The following UROS variants were observed in gnomAD, a reference collection of about 807,000 sequenced individuals.
UROS encodes uroporphyrinogen-III synthase.
A neutral mutation model predicts 33.0 loss-of-function variants in UROS; 18 were observed. That is an observed-to-expected ratio of 0.55 (90% CI 0.38 to 0.81). The LOEUF (loss-of-function observed/expected upper bound fraction) is 0.81, where lower values mean the gene tolerates loss of function less well. UROS is among the 30% of genes least tolerant of loss of function. The pLI is 0.00. For missense variants in UROS, 293 were observed against 314.9 expected (o/e 0.93, Z 0.53); for synonymous variants, 114 against 121.1 (o/e 0.94, Z 0.38).
chr10:125,811,429 T>C (rs1278875881), intron 5 of UROS, among the ~76,000 whole-genome samples: 2 of 152,228 alleles, frequency 1.3e-5, no homozygotes, highest in Admixed American at 6.5e-5. Context: ...AAGCCACTAA[T>C]TCCCTTTCCC....
intron 8 of UROS, chr10:125,795,284 G>A: frequency 2.3e-6 from 1 of 427,684 alleles, no homozygotes; most frequent in Non-Finnish European, 4.4e-6. Context: ...TCTAGCTCCT[G>A]TGGTCATACG....
intron 6 of UROS, among the ~76,000 whole-genome samples, chr10:125,806,422 ATC>A (rs1443133909): frequency 6.6e-6 from 1 of 152,202 alleles, no homozygotes; most frequent in Non-Finnish European, 1.5e-5. Flanking sequence ...TCAGCAGTTC[ATC>A]TGACCCTGGC....
intron 9 of UROS, chr10:125,793,822 G>C (rs1184297827): frequency 6.6e-6 from 1 of 152,236 alleles, no homozygotes; most frequent in Non-Finnish European, 1.5e-5. Flanking sequence ...TGGGATTCCA[G>C]GTGGGAGCCA....
chr10:125,821,643 A>G (rs1175804858), intron 1 of UROS, among the ~76,000 whole-genome samples: 1 of 152,218 alleles, frequency 6.6e-6, no homozygotes, highest in Non-Finnish European at 1.5e-5. Context: ...TTACCACCAT[A>G]AAAAAAGTAT....
At chr10:125,822,751 C>T (rs1854091563) in intron 1 of UROS, among the ~76,000 whole-genome samples, 1 of 152,198 alleles carries the variant, frequency 6.6e-6, no homozygotes, top group Non-Finnish European at 1.5e-5. Context: ...AGACACCGGG[C>T]CCGGCCCCCC....
chr10:125,817,351 A>C (rs1355809325), intron 1 of UROS, among the ~76,000 whole-genome samples: 2 of 147,486 alleles, frequency 1.4e-5, no homozygotes, highest in East Asian at 4.0e-4. Context: ...TACAGGAGTG[A>C]GCCACTGCAC....
chr10:125,818,201 G>A (rs1853525129), intron 1 of UROS, among the ~76,000 whole-genome samples: 2 of 152,126 alleles, frequency 1.3e-5, no homozygotes, highest in Admixed American at 1.3e-4. Context: ...TATAAAATTA[G>A]GCCAGGACAG....
intron 8 of UROS, 132 bp from the exon 9 acceptor site, chr10:125,795,110 G>T: frequency 1.3e-6 from 1 of 774,468 alleles, no homozygotes; most frequent in Non-Finnish European, 2.3e-6. Flanking sequence ...GTGGTTCCCG[G>T]CTGATGCTGG....
rs369740745 is a variant in UROS, at chr10:125,796,132, C to G, written c.532G>C (p.Gly178Arg). Reference sequence around the variant, plus strand: ...TGGGAATAGTAGCTGTTCAGGTTCCCTTGGATTCCTGGGTGTGCAACTGTC... The same window carrying G: ...TGGGAATAGTAGCTGTTCAGGTTCCGTTGGATTCCTGGGTGTGCAACTGTC... Reference protein sequence around the residue: ...YQTVAHPGIQGNLNSYYSQQG... With the variant: ...YQTVAHPGIQRNLNSYYSQQG... Residue 178 changes from glycine to arginine, a missense_variant, in exon 8 of 10, where the codon GGG (glycine) becomes CGG (arginine). Coordinates refer to ENST00000368797, the MANE Select transcript of UROS (RefSeq NM_000375.3). 4 of 1,614,060 alleles carry G rather than the reference C, an allele frequency of 2.5e-6. No individual in the cohort carries two copies. Among genetic ancestry groups the G allele is most frequent in the Non-Finnish European group, 3.4e-6 (4 of 1,180,032 alleles).
intron 6 of UROS, chr10:125,802,380 T>C: frequency 1.0e-6 from 1 of 985,840 alleles, no homozygotes; most frequent in Non-Finnish European, 1.2e-6. Context: ...AGAGAGTCAC[T>C]GCCTGTCTAG....
In UROS at chr10:125,788,586, C is replaced by T. The variant is rs1850700661; in HGVS notation, c.*282G>A. ...ACACAGCAACCATACACTCAGTAAG[C>T]ACAGGTAGTCAGTGTGGTTTATTTG... is the stretch of plus-strand genomic sequence containing the variant. On this transcript the variant is annotated 3_prime_UTR_variant, in exon 10 of 10. Coordinates refer to ENST00000368797, the MANE Select transcript of UROS (RefSeq NM_000375.3). 5.8e-6 allele frequency: 8 copies of T among 1,372,136 alleles called. No homozygotes were observed. In the East Asian group the frequency reaches 2.1e-4, roughly 37 times the overall value. The allele number at this position is 1,372,136 out of a possible 1,614,324, so 85.0% of individuals were successfully genotyped here.
chr10:125,796,656 A>G, intron 7 of UROS: 1 of 533,138 alleles, frequency 1.9e-6, no homozygotes, highest in Non-Finnish European at 2.4e-6. Context: ...TCTGGGCCTC[A>G]GTGTGTCCAC....
chr10:125,809,744 A>C (rs1162449622), intron 5 of UROS, among the ~76,000 whole-genome samples: 1 of 151,928 alleles, frequency 6.6e-6, no homozygotes, highest in Non-Finnish European at 1.5e-5. Context: ...ATTTTCAAAT[A>C]AATAGAGACA....
intron 3 of UROS, 125 bp from the exon 4 acceptor site, chr10:125,815,255 T>TC (rs1393281988): frequency 3.9e-6 from 4 of 1,024,156 alleles, no homozygotes; most frequent in Non-Finnish European, 4.5e-6. Context: ...CTTCCACCCA[T>TC]CCCCCCAACA....
At chr10:125,787,405 G>T (rs535646828), downstream of UROS, among the ~76,000 whole-genome samples, 1 of 152,170 alleles carries the variant, frequency 6.6e-6, no homozygotes, top group African/African-American at 2.4e-5. Flanking sequence ...TCTTCACCAT[G>T]CATGAGGGCA....
At chr10:125,797,929 G>T in intron 7 of UROS, 136 bp downstream of exon 7, 1 of 952,730 alleles carries the variant, frequency 1.0e-6, no homozygotes, top group Non-Finnish European at 1.7e-6. Context: ...TGGTCTCTGT[G>T]TCTCCTGGCC....
chr10:125,810,390 G>A (rs1013465997), intron 5 of UROS, among the ~76,000 whole-genome samples: 1 of 152,174 alleles, frequency 6.6e-6, no homozygotes, highest in Non-Finnish European at 1.5e-5. Context: ...AGTGAGCTGG[G>A]AAGCAGATCT....
intron 4 of UROS, among the ~76,000 whole-genome samples, chr10:125,813,635 G>A (rs947225741): frequency 1.3e-5 from 2 of 152,124 alleles, no homozygotes; most frequent in Admixed American, 6.5e-5. Context: ...GTGCCACCAC[G>A]CCCAGCTAAC....
chr10:125,791,835 G>A (rs1349025705), intron 9 of UROS: 1 of 152,170 alleles, frequency 6.6e-6, no homozygotes, highest in Non-Finnish European at 1.5e-5. Context: ...ATGAGGGGTG[G>A]CTGCGAATGG....
Sources: gnomAD v4.1 joint callset for allele counts (sites outside exome capture counted in the v4.1 genomes callset) on GRCh38, gnomAD v4.1.1 for gene constraint, MANE v1.5 for transcripts, NCBI Gene and HGNC (gene_info 2026-07-23, HGNC 2026-07-21) for gene names.